Variants in ZFYVE28 observed in about 807,000 individuals in gnomAD.
ZFYVE28 encodes the protein lateral signaling target protein 2 homolog.
A neutral mutation model predicts 82.1 loss-of-function variants in ZFYVE28; 40 were observed. The observed-to-expected ratio is 0.49, with a 90% CI of 0.38 to 0.63. The LOEUF (loss-of-function observed/expected upper bound fraction) is 0.63. Ranked by LOEUF, ZFYVE28 falls within the 30% of genes least tolerant of loss-of-function variation. ZFYVE28 has a pLI of 0.00. For synonymous variants in ZFYVE28, 612 were observed against 546.1 expected (o/e 1.12, Z -1.68); for missense variants, 1,321 against 1,242.1 (o/e 1.06, Z -0.96).
rs865933963 is a variant in ZFYVE28 at position 2,317,201 on chromosome 4, T to C, written c.803+2969A>G. On this transcript the variant is annotated intron_variant, in intron 7 of 12. Coordinates refer to ENST00000290974, the MANE Select transcript of ZFYVE28 (RefSeq NM_020972.3). The stretch of plus-strand genomic sequence containing the variant: ...TGGGGTTTTGCCATGTTGGCTGGGC[T>C]GGTCTCAAACTCCTGACCTCAGGTG... Among the ~76,000 whole-genome samples the C allele has an allele frequency of 4.6e-5, 7 of 151,764 alleles. No individual in the cohort carries two copies. In the South Asian group the frequency reaches 1.5e-3, roughly 32 times the overall value.
chr4:2,377,167 G>T (rs973115616), intron 1 of ZFYVE28, among the ~76,000 whole-genome samples: 8 of 151,776 alleles, frequency 5.3e-5, no homozygotes, highest in Non-Finnish European at 1.2e-4. Flanking sequence ...GATTACAGGC[G>T]CCCGCTACCA....
At chr4:2,289,274 T>G (rs1333337718) in intron 8 of ZFYVE28, among the ~76,000 whole-genome samples, 1 of 152,234 alleles carries the variant, frequency 6.6e-6, no homozygotes, top group African/African-American at 2.4e-5. Context: ...AGTAAGACCC[T>G]GCCTCAATAA....
intron 9 of ZFYVE28, 92 bp from the exon 10 acceptor site, chr4:2,273,381 G>A: frequency 9.1e-7 from 1 of 1,101,306 alleles, no homozygotes; most frequent in Non-Finnish European, 1.3e-6. Flanking sequence ...CCCAGCCAGA[G>A]CTCACAGCCC....
intron 1 of ZFYVE28, among the ~76,000 whole-genome samples, chr4:2,404,857 CTTTT>C (rs11404626): frequency 6.3e-5 from 7 of 110,996 alleles, no homozygotes; most frequent in African/African-American, 1.8e-4. Context: ...CAGTCTCGCT[CTTTT>C]TTTTTTTTTT....
chr4:2,371,711 A>T (rs1361124372), intron 1 of ZFYVE28, among the ~76,000 whole-genome samples: 3 of 150,352 alleles, frequency 2.0e-5, no homozygotes, highest in Admixed American at 6.6e-5. Context: ...CTTCAACAAT[A>T]GCAGGCAAAT....
At position 2,273,655 on chromosome 4, in the gene ZFYVE28, T is replaced by A. The variant is rs552374045; in HGVS notation, c.2207-366A>T. On this transcript the variant is annotated intron_variant, in intron 9 of 12. Transcript: ENST00000290974. ...ACTGTGCCCACCCCCAGGCCAGTGC[T>A]TGTGACTGTCACAGCCACTCAGGCA... Among the ~76,000 whole-genome samples, 6 of 152,226 alleles carry A rather than the reference T, an allele frequency of 3.9e-5. No homozygotes were observed. In the South Asian group the frequency reaches 1.2e-3, roughly 32 times the overall value.
chr4:2,410,863 G>A (rs1310733064), intron 1 of ZFYVE28, among the ~76,000 whole-genome samples: 1 of 152,160 alleles, frequency 6.6e-6, no homozygotes, highest in East Asian at 1.9e-4. Flanking sequence ...GGACGTTTGG[G>A]TTGTTTCCCC....
intron 1 of ZFYVE28, among the ~76,000 whole-genome samples, chr4:2,375,511 C>T (rs1233407455): frequency 6.6e-6 from 1 of 152,246 alleles, no homozygotes; most frequent in Non-Finnish European, 1.5e-5. Flanking sequence ...GGTGCTGGCT[C>T]ATGCCCACTG....
Position 2,409,374 on chromosome 4 carries a change from C to T in ZFYVE28, c.39+8911G>A, listed in dbSNP as rs1252980042. The stretch of plus-strand genomic sequence containing the variant: ...CTCCCACAGCAGGCCTGGAAGGACC[C>T]CGCAAACAGCAGTGCTGACCCCATC... On this transcript the variant is annotated intron_variant, in intron 1 of 12. Transcript: ENST00000290974. This position sits in a 1 kb window ranked among gnomAD's most constrained non-coding sequence, Gnocchi z 4.4. Among the ~76,000 whole-genome samples the T allele has an allele frequency of 6.6e-6, 1 of 152,136 alleles. No individual in the cohort carries two copies. Among genetic ancestry groups the T allele is most frequent in the Non-Finnish European group, 1.5e-5 (1 of 68,014 alleles).
At chr4:2,287,875 A>C (rs577860229) in intron 8 of ZFYVE28, among the ~76,000 whole-genome samples, 1 of 152,362 alleles carries the variant, frequency 6.6e-6, no homozygotes, top group South Asian at 2.1e-4. Context: ...AGTACTGAAC[A>C]TAAGGAGACA....
At chr4:2,361,529 C>A (rs73070637) in intron 1 of ZFYVE28, among the ~76,000 whole-genome samples, 2,221 of 152,292 alleles carry the variant, frequency 0.015, 51 homozygotes, top group African/African-American at 0.051. Flanking sequence ...CACGCACTAC[C>A]CCACCCACTG....
At chr4:2,273,425 A>C in intron 9 of ZFYVE28, 136 bp from the exon 10 acceptor site, 1 of 716,802 alleles carries the variant, frequency 1.4e-6, no homozygotes, top group East Asian at 2.6e-5. Context: ...TCAGGGAGGG[A>C]GGAGGCCCAA....
chr4:2,303,649 T>A (rs1022028436), intron 8 of ZFYVE28, among the ~76,000 whole-genome samples: 1 of 151,818 alleles, frequency 6.6e-6, no homozygotes, highest in African/African-American at 2.4e-5. Context: ...TGGGAGCCCA[T>A]GAGAAGAGAT....
chr4:2,378,432 C>T (rs1007537448), intron 1 of ZFYVE28, among the ~76,000 whole-genome samples: 13 of 152,192 alleles, frequency 8.5e-5, no homozygotes, highest in African/African-American at 3.1e-4. Flanking sequence ...ATTTCTTTAT[C>T]CTACTTGGAA....
At chr4:2,305,605 G>A in intron 7 of ZFYVE28, 69 bp from the exon 8 acceptor site, 1 of 1,581,024 alleles carries the variant, frequency 6.3e-7, no homozygotes, top group Non-Finnish European at 8.6e-7. Context: ...GCCAGGAGTG[G>A]ACGCAGCACC....
intron 4 of ZFYVE28, 56 bp from the exon 5 acceptor site, chr4:2,337,552 A>G (rs1041668498): frequency 5.0e-6 from 7 of 1,413,354 alleles, no homozygotes; most frequent in Non-Finnish European, 5.8e-6. Flanking sequence ...GGGCCCCTCC[A>G]AAACAGAGTG....
intron 8 of ZFYVE28, among the ~76,000 whole-genome samples, chr4:2,294,559 A>C (rs1714243704): frequency 6.6e-6 from 1 of 152,246 alleles, no homozygotes; most frequent in African/African-American, 2.4e-5. Flanking sequence ...TAGATATGGC[A>C]CCAAAATCAC....
chr4:2,337,613 G>T, intron 4 of ZFYVE28, 117 bp from the exon 5 acceptor site: 1 of 743,408 alleles, frequency 1.3e-6, no homozygotes, highest in Non-Finnish European at 2.2e-6. Flanking sequence ...GGGGCGGGGG[G>T]CCTCACGCCT....
At chr4:2,299,932 G>C (rs149828466) in intron 8 of ZFYVE28, among the ~76,000 whole-genome samples, 1 of 152,024 alleles carries the variant, frequency 6.6e-6, no homozygotes, top group African/African-American at 2.4e-5. Flanking sequence ...AAGTAGCTGG[G>C]ACTACAGGCC....
Sources: allele counts gnomAD v4.1 joint callset (sites outside exome capture counted in the v4.1 genomes callset), GRCh38; gene constraint gnomAD v4.1.1; non-coding constraint Gnocchi (gnomAD v3.1); transcripts MANE v1.5; gene names NCBI Gene and HGNC (gene_info 2026-07-23, HGNC 2026-07-21).